The following ERLEC1 variants were observed in gnomAD, a reference collection of about 807,000 sequenced individuals.
ERLEC1 encodes the protein endoplasmic reticulum lectin 1.
Under a neutral mutation model 68.0 loss-of-function variants are expected in ERLEC1, and 47 were observed. The ratio of observed to expected loss-of-function variants is 0.69; its 90% CI spans 0.55 to 0.88. ERLEC1 has a LOEUF of 0.88. Among genes scored for constraint, ERLEC1 ranks in the 40% least tolerant of loss-of-function variants. The pLI is 0.00. For missense variants in ERLEC1, 567 were observed against 583.8 expected, an observed-to-expected ratio of 0.97 and a Z score of 0.30; for synonymous variants, 225 against 203.2, an observed-to-expected ratio of 1.11 and a Z score of -0.91.
intron 6 of ERLEC1, among the ~76,000 whole-genome samples, 156 bp from the exon 7 acceptor site, chr2:53,801,238 AAAT>A (rs1040217153): frequency 1.3e-5 from 2 of 152,188 alleles, no homozygotes; most frequent in Non-Finnish European, 2.9e-5. Flanking sequence ...TTACGAATCA[AAAT>A]AATATTAGAG....
chr2:53,816,930 A>G (rs984827072), intron 13 of ERLEC1, among the ~76,000 whole-genome samples: 2 of 152,134 alleles, frequency 1.3e-5, no homozygotes. Context: ...AAGACATGTT[A>G]GTATAAAATT....
intron 13 of ERLEC1, among the ~76,000 whole-genome samples, chr2:53,817,675 C>G (rs551661763): frequency 6.6e-6 from 1 of 152,218 alleles, no homozygotes; most frequent in Admixed American, 6.5e-5. Flanking sequence ...CCTTTTCCCT[C>G]CCCCGCTTGT....
intron 3 of ERLEC1, 54 bp from the exon 4 acceptor site, chr2:53,797,461 A>T: frequency 1.5e-6 from 2 of 1,308,006 alleles, no homozygotes; most frequent in Non-Finnish European, 2.1e-6. Context: ...ATCAGAAAGT[A>T]ATTCAGCTGA....
At chr2:53,815,368 A>G (rs909201033) in intron 13 of ERLEC1, among the ~76,000 whole-genome samples, 2 of 152,186 alleles carry the variant, frequency 1.3e-5, no homozygotes, top group Admixed American at 1.3e-4. Flanking sequence ...AAGGCTTAAT[A>G]TGGCCCACAT....
Position 53,818,107 on chromosome 2 carries a change from A to G in ERLEC1, c.*138A>G. 2 of 607,304 alleles carry G rather than the reference A, an allele frequency of 3.3e-6. No homozygotes were observed. The highest frequency in any genetic ancestry group is 5.9e-6 in the Non-Finnish European group (2 of 339,064). The allele number at this position is 607,304 out of a possible 1,614,324, so 37.6% of individuals were successfully genotyped here. A position where few individuals can be genotyped will look rare whatever the true frequency, so the allele number is the denominator to read the frequency against. On this transcript the variant is annotated 3_prime_UTR_variant, in exon 14 of 14. Transcript: ENST00000185150. Reference sequence around the variant, plus strand: ...AAAATGACTCTCAACCACTTTGTGAATACATATGTGTATATAAGAGGTTAT... The same window carrying G: ...AAAATGACTCTCAACCACTTTGTGAGTACATATGTGTATATAAGAGGTTAT...
At chr2:53,810,149 A>G (rs547817568) in intron 10 of ERLEC1, among the ~76,000 whole-genome samples, 9 of 152,258 alleles carry the variant, frequency 5.9e-5, no homozygotes, top group African/African-American at 2.2e-4. Flanking sequence ...AATTGGGTAA[A>G]TACAGCAAGT....
intron 1 of ERLEC1, among the ~76,000 whole-genome samples, chr2:53,789,408 A>G (rs1292056604): frequency 1.3e-5 from 2 of 151,994 alleles, no homozygotes; most frequent in East Asian, 1.9e-4. Flanking sequence ...AAAAAAAAAA[A>G]AAAAAAAATT....
At chr2:53,787,521 A>G in intron 1 of ERLEC1, 149 bp downstream of exon 1, 2 of 901,908 alleles carry the variant, frequency 2.2e-6, no homozygotes, top group Non-Finnish European at 1.6e-6. Context: ...TGCAGCGTTC[A>G]TTCATTCGTT....
At chr2:53,811,455 A>G (rs1487504918) in intron 10 of ERLEC1, among the ~76,000 whole-genome samples, 1 of 152,206 alleles carries the variant, frequency 6.6e-6, no homozygotes, top group Non-Finnish European at 1.5e-5. Context: ...ACTTGCCAAC[A>G]CTAGGTTTTA....
chr2:53,794,360 T>G lies in ERLEC1; in HGVS notation c.178T>G (p.Leu60Val), dbSNP rs1675571514. 2 of 1,536,580 alleles carry G rather than the reference T, an allele frequency of 1.3e-6. No homozygotes were observed. The highest frequency in any genetic ancestry group is 1.8e-6 in the Non-Finnish European group (2 of 1,129,200). Residue 60 changes from leucine (L) to valine (V), a missense_variant, in exon 2 of 14, where the codon TTA becomes GTA. Physicochemically the swap from Leu to Val is conservative, Grantham distance 32 (BLOSUM62 1). Transcript: ENST00000185150. ...CTATTTGCAGCCCACAACTGGAGTT[T>G]TATATAAAGAAGATAATTATGTCAT... The part of the protein sequence containing the change: ...TEFSLPTTGV[L>V]YKEDNYVIMT...
chr2:53,811,718 G>A (rs1453431805), intron 10 of ERLEC1, among the ~76,000 whole-genome samples: 1 of 152,096 alleles, frequency 6.6e-6, no homozygotes, highest in Non-Finnish European at 1.5e-5. Context: ...TAGTAACTGG[G>A]GAAACTGGAA....
rs945058981 is a variant in ERLEC1, at chr2:53,801,321, T to A, written c.526-76T>A. 4.7e-5 allele frequency: 47 copies of A among 1,004,958 alleles called. 1 individual carries two copies. In the South Asian group the frequency reaches 6.4e-4, roughly 14 times the overall value. 62.3% of individuals were successfully genotyped at this position (1,004,958 alleles called of 1,614,324 possible). A position where few individuals can be genotyped will look rare whatever the true frequency, so the allele number is the denominator to read the frequency against. On this transcript the variant is annotated intron_variant, in intron 6 of 13. Coordinates refer to ENST00000185150, the MANE Select transcript of ERLEC1 (RefSeq NM_015701.5). The stretch of plus-strand genomic sequence containing the variant: ...AAATGTAGTTTTCTTCCTTTCAGAA[T>A]AATAAGTTCCTCTCCCACCCCCAGT...
chr2:53,801,637 A>G lies in ERLEC1; in HGVS notation c.749+17A>G. On this transcript the variant is annotated intron_variant, in intron 7 of 13. Transcript: ENST00000185150. Reference sequence around the variant, plus strand: ...TAAATATAGGTAGGATGTGCATTTAATATTTTAAACATAAAATGCACACAT... The same window carrying G: ...TAAATATAGGTAGGATGTGCATTTAGTATTTTAAACATAAAATGCACACAT... 1.2e-6 allele frequency: 2 copies of G among 1,613,048 alleles called. No homozygotes were observed. Among genetic ancestry groups the G allele is most frequent in the Non-Finnish European group, 1.7e-6 (2 of 1,179,154 alleles).
At chr2:53,790,806 C>T (rs1245590393) in intron 1 of ERLEC1, among the ~76,000 whole-genome samples, 1 of 152,198 alleles carries the variant, frequency 6.6e-6, no homozygotes, top group African/African-American at 2.4e-5. Context: ...TGTACATTAA[C>T]TAGAGTTAAT....
intron 13 of ERLEC1, among the ~76,000 whole-genome samples, chr2:53,816,002 T>C (rs551792225): frequency 2.2e-4 from 33 of 152,030 alleles, no homozygotes; most frequent in African/African-American, 7.7e-4. Flanking sequence ...TCTTTCTTTC[T>C]TTTTTTTAAT....
chr2:53,810,440 C>A (rs1299796449), intron 10 of ERLEC1, among the ~76,000 whole-genome samples: 1 of 152,136 alleles, frequency 6.6e-6, no homozygotes, highest in East Asian at 1.9e-4. Context: ...TTGAGCCAGC[C>A]TGCTTAAATT....
chr2:53,803,825 A>G (rs1440851880), intron 8 of ERLEC1, among the ~76,000 whole-genome samples: 1 of 151,956 alleles, frequency 6.6e-6, no homozygotes, highest in Non-Finnish European at 1.5e-5. Flanking sequence ...ACAGATGATA[A>G]TGCTTTAAAA....
At chr2:53,804,476 A>C (rs1472081845) in intron 8 of ERLEC1, among the ~76,000 whole-genome samples, 1 of 152,072 alleles carries the variant, frequency 6.6e-6, no homozygotes, top group Non-Finnish European at 1.5e-5. Flanking sequence ...GGGTTTTGCC[A>C]TGTTGCCCAG....
At chr2:53,813,554 T>G (rs1676701890) in intron 11 of ERLEC1, among the ~76,000 whole-genome samples, 1 of 152,196 alleles carries the variant, frequency 6.6e-6, no homozygotes, top group Non-Finnish European at 1.5e-5. Flanking sequence ...CTCACATCTC[T>G]TTTAGGATAT....
Sources: gnomAD v4.1 joint callset for allele counts (sites outside exome capture counted in the v4.1 genomes callset) on GRCh38, gnomAD v4.1.1 for gene constraint, MANE v1.5 for transcripts, NCBI Gene and HGNC (gene_info 2026-07-23, HGNC 2026-07-21) for gene names.